Variants in SUMF1 observed in about 807,000 individuals in gnomAD.
SUMF1 encodes the protein sulfatase modifying factor 1.
SUMF1 carries 48 observed loss-of-function variants against 47.6 expected under a neutral mutation model. The ratio of observed to expected loss-of-function variants is 1.01; its 90% CI spans 0.80 to 1.28. The LOEUF (loss-of-function observed/expected upper bound fraction) is 1.28. Among genes scored for constraint, SUMF1 ranks in the 50% most tolerant of loss-of-function variants. SUMF1 has a pLI of 0.00. For synonymous variants in SUMF1, 230 were observed against 192.1 expected, an observed-to-expected ratio of 1.20 and a Z score of -1.63; for missense variants, 571 against 485.4, an observed-to-expected ratio of 1.18 and a Z score of -1.66.
intron 8 of SUMF1, among the ~76,000 whole-genome samples, chr3:4,167,084 C>A (rs542520723): frequency 6.6e-6 from 1 of 152,056 alleles, no homozygotes; most frequent in South Asian, 2.1e-4. Flanking sequence ...CAAGATGTGT[C>A]TGGAGTTGGT....
At chr3:4,089,949 G>A (rs541147901) in intron 8 of SUMF1, among the ~76,000 whole-genome samples, 1 of 152,034 alleles carries the variant, frequency 6.6e-6, no homozygotes, top group East Asian at 1.9e-4. Flanking sequence ...ATTCTTTCAG[G>A]GCACTTATTT....
chr3:4,434,756 G>A (rs965320046), intron 3 of SUMF1, among the ~76,000 whole-genome samples: 29 of 152,150 alleles, frequency 1.9e-4, no homozygotes, highest in Admixed American at 1.6e-3. Flanking sequence ...GAATGATCAC[G>A]AGCTTTAGGT....
At chr3:4,290,921 A>G (rs1254210139) in intron 8 of SUMF1, among the ~76,000 whole-genome samples, 2 of 151,924 alleles carry the variant, frequency 1.3e-5, no homozygotes, top group Non-Finnish European at 2.9e-5. Context: ...GGAAGTCAGG[A>G]AAAAAAACAA....
chr3:4,231,276 T>A (rs1015813975), intron 8 of SUMF1, among the ~76,000 whole-genome samples: 1 of 152,154 alleles, frequency 6.6e-6, no homozygotes, highest in African/African-American at 2.4e-5. Context: ...ACATAACCTT[T>A]AGGACTTCAG....
chr3:4,414,165 C>T (rs1376380397), intron 6 of SUMF1, among the ~76,000 whole-genome samples: 1 of 152,128 alleles, frequency 6.6e-6, no homozygotes, highest in Non-Finnish European at 1.5e-5. Context: ...GCACCTGGCC[C>T]CAAACAAATT....
chr3:4,256,443 G>T (rs1273366740), intron 8 of SUMF1, among the ~76,000 whole-genome samples: 3 of 143,794 alleles, frequency 2.1e-5, no homozygotes, highest in African/African-American at 5.2e-5. Context: ...TATCACTACC[G>T]ATCCCACAGA....
intron 8 of SUMF1, among the ~76,000 whole-genome samples, chr3:4,368,734 C>T (rs115274917): frequency 0.015 from 2,273 of 152,292 alleles, 22 homozygotes; most frequent in Non-Finnish European, 0.021. Context: ...GAGAGCCTAA[C>T]GCACATATCC....
chr3:4,128,327 G>A (rs1693705755), intron 8 of SUMF1, among the ~76,000 whole-genome samples: 1 of 152,110 alleles, frequency 6.6e-6, no homozygotes. Context: ...CTTGGAATGG[G>A]GATGTGTAGG....
intron 8 of SUMF1, among the ~76,000 whole-genome samples, chr3:4,106,654 C>A (rs180977943): frequency 3.5e-4 from 53 of 152,184 alleles, no homozygotes; most frequent in Middle Eastern, 3.4e-3. Context: ...GCCGAATAAT[C>A]CACAAAGTAG....
At chr3:4,242,632 C>T (rs1696566275) in intron 8 of SUMF1, among the ~76,000 whole-genome samples, 1 of 152,122 alleles carries the variant, frequency 6.6e-6, no homozygotes, top group African/African-American at 2.4e-5. Flanking sequence ...CCCACTTGAT[C>T]ATGGTGGATA....
At chr3:4,057,581 C>T (rs1695214375) in intron 9 of SUMF1, among the ~76,000 whole-genome samples, 1 of 152,146 alleles carries the variant, frequency 6.6e-6, no homozygotes, top group Non-Finnish European at 1.5e-5. Flanking sequence ...GTTTCCATAA[C>T]TTTAAAATAG....
chr3:4,189,985 C>T (rs1245585366), intron 8 of SUMF1, among the ~76,000 whole-genome samples: 2 of 152,180 alleles, frequency 1.3e-5, no homozygotes, highest in African/African-American at 2.4e-5. Context: ...TTAAATATAG[C>T]TCCAGTAGCT....
intron 8 of SUMF1, among the ~76,000 whole-genome samples, chr3:4,139,917 T>C (rs764675572): frequency 3.5e-4 from 53 of 152,160 alleles, no homozygotes; most frequent in Non-Finnish European, 6.5e-4. Context: ...TTGGCATACG[T>C]AGTTCAATAA....
intron 8 of SUMF1, among the ~76,000 whole-genome samples, chr3:4,211,171 C>CATAT (rs1695778952): frequency 8.6e-6 from 1 of 116,954 alleles, no homozygotes; most frequent in African/African-American, 3.3e-5. Context: ...TATATATACA[C>CATAT]ACATATATAT....
Position 4,431,194 on chromosome 3 carries a change from G to T in SUMF1, c.520-11048C>A, listed in dbSNP as rs143702395. ...AATGGTGAAACCCCACCTCCAAGTG[G>T]AAGACAGTTTAAAGCCTGAAAGCCA... On this transcript the variant is annotated intron_variant, in intron 3 of 8. Coordinates refer to ENST00000272902, the MANE Select transcript of SUMF1 (RefSeq NM_182760.4). 1.9e-3 allele frequency among the ~76,000 whole-genome samples: 287 copies of T among 152,284 alleles called. 1 individual carries two copies. Among genetic ancestry groups the T allele is most frequent in the African/African-American group, 6.6e-3 (273 of 41,562 alleles).
intron 8 of SUMF1, among the ~76,000 whole-genome samples, chr3:4,297,605 T>C (rs1312358183): frequency 6.9e-6 from 1 of 145,838 alleles, no homozygotes; most frequent in South Asian, 2.2e-4. Context: ...TCTGGCTACG[T>C]TGCCCAAGCT....
chr3:4,163,366 GGAAGGA>G (rs1694623574), intron 8 of SUMF1, among the ~76,000 whole-genome samples: 4 of 11,916 alleles, frequency 3.4e-4, no homozygotes, highest in African/African-American at 1.6e-3. Context: ...GAGAGAGAAA[GGAAGGA>G]AGGAAGGAAG....
chr3:4,248,410 T>C (rs554622142), intron 8 of SUMF1, among the ~76,000 whole-genome samples: 1 of 152,330 alleles, frequency 6.6e-6, no homozygotes, highest in African/African-American at 2.4e-5. Context: ...CATCACTTTT[T>C]TGTTTTCCTG....
chr3:4,449,344 TAAGG>T lies in SUMF1; in HGVS notation c.445-8_445-5del. 1 of 1,614,112 alleles carries T rather than the reference TAAGG, an allele frequency of 6.2e-7. No homozygotes were observed. The highest frequency in any genetic ancestry group is 8.5e-7 in the Non-Finnish European group (1 of 1,179,968). On this transcript the variant is annotated splice_region_variant and splice_polypyrimidine_tract_variant and intron_variant, in intron 2 of 8. Transcript: ENST00000272902. ...AGGAGTCGCCAAACTTCTCAGCCTA[TAAGG>T]AAGGTAGGAAATAAAAATCCAGAAA...
Sources: gnomAD v4.1 joint callset for allele counts (sites outside exome capture counted in the v4.1 genomes callset) on GRCh38, gnomAD v4.1.1 for gene constraint, MANE v1.5 for transcripts, NCBI Gene and HGNC (gene_info 2026-07-23, HGNC 2026-07-21) for gene names.